The following CCDC158 variants were observed in gnomAD, a reference collection of about 807,000 sequenced individuals.
The protein encoded by CCDC158 is coiled-coil domain-containing protein 158.
Under a neutral mutation model 138.6 loss-of-function variants are expected in CCDC158, and 116 were observed. The ratio of observed to expected loss-of-function variants is 0.84; its 90% CI spans 0.72 to 0.98. The LOEUF (loss-of-function observed/expected upper bound fraction) is 0.98. Among genes scored for constraint, CCDC158 ranks in the 50% least tolerant of loss-of-function variants. The pLI, the probability that CCDC158 is intolerant of heterozygous loss-of-function variation, is 0.00. For missense variants in CCDC158, 1,265 were observed against 1,306.1 expected (o/e 0.97, Z 0.48); for synonymous variants, 436 against 442.4 (o/e 0.99, Z 0.18).
intron 18 of CCDC158, among the ~76,000 whole-genome samples, chr4:76,336,592 T>A (rs1578896455): frequency 1.3e-5 from 2 of 152,312 alleles, no homozygotes; most frequent in East Asian, 3.9e-4. Context: ...TAGCTTCAAA[T>A]CTTTTAAAGA....
intron 4 of CCDC158, among the ~76,000 whole-genome samples, chr4:76,387,103 G>A (rs1726868819): frequency 6.6e-6 from 1 of 152,148 alleles, no homozygotes; most frequent in Non-Finnish European, 1.5e-5. Context: ...GTGGCTAAGA[G>A]AGTGCTTGCA....
At chr4:76,366,753 ATTAAATTTTAAATTATTAAGTTAT>A (rs1348623081) in intron 12 of CCDC158, among the ~76,000 whole-genome samples, 1 of 152,136 alleles carries the variant, frequency 6.6e-6, no homozygotes, top group Non-Finnish European at 1.5e-5. Flanking sequence ...ACTAATATTT[ATTAAATTTTAAATTATTAAGTTAT>A]TTAAATTTTA....
At chr4:76,315,350 A>G (rs577932741) in intron 24 of CCDC158, among the ~76,000 whole-genome samples, 2 of 152,116 alleles carry the variant, frequency 1.3e-5, no homozygotes, top group Non-Finnish European at 2.9e-5. Flanking sequence ...TGATCACAAA[A>G]CACACAAACT....
At chr4:76,376,083 C>T (rs1362568894) in intron 9 of CCDC158, among the ~76,000 whole-genome samples, 1 of 150,914 alleles carries the variant, frequency 6.6e-6, no homozygotes, top group Non-Finnish European at 1.5e-5. Flanking sequence ...GAGACAGGGT[C>T]ACCCTCTATT....
chr4:76,350,984 C>T lies in CCDC158; in HGVS notation c.2664+12G>A. 6.2e-7 allele frequency: 1 copy of T among 1,610,916 alleles called. No individual in the cohort carries two copies. Reference sequence around the variant, plus strand: ...GTCATTTGCGTAATGGATCATAAGACTGGTTACTTACATGAGACAGGAAGC... The same window carrying T: ...GTCATTTGCGTAATGGATCATAAGATTGGTTACTTACATGAGACAGGAAGC... On this transcript the variant is annotated intron_variant, in intron 18 of 24. Coordinates refer to ENST00000682701, the MANE Select transcript of CCDC158 (RefSeq NM_001394954.1).
In CCDC158 at chr4:76,313,097, C is replaced by T; in HGVS notation, c.*73G>A. ...TTTTCACATAAAAAGAAAAAGTACA[C>T]AGGGCACTAATTACGAGTAACACCA... On this transcript the variant is annotated 3_prime_UTR_variant, in exon 25 of 25. Coordinates refer to ENST00000682701, the MANE Select transcript of CCDC158 (RefSeq NM_001394954.1). The T allele has an allele frequency of 2.3e-6, 2 of 862,046 alleles. No individual in the cohort carries two copies. Among genetic ancestry groups the T allele is most frequent in the Non-Finnish European group, 3.6e-6 (2 of 554,328 alleles). The allele number at this position is 862,046 out of a possible 1,614,324, so 53.4% of individuals were successfully genotyped here.
At chr4:76,408,344 A>G (rs1729008586) in intron 2 of CCDC158, among the ~76,000 whole-genome samples, 1 of 150,200 alleles carries the variant, frequency 6.7e-6, no homozygotes, top group South Asian at 2.1e-4. Flanking sequence ...CGCTCCCCCC[A>G]CCCCACAACA....
Position 76,325,852 on chromosome 4 carries a change from C to T in CCDC158, c.3169+5G>A, listed in dbSNP as rs1720472773. On this transcript the variant is annotated splice_donor_5th_base_variant and intron_variant, in intron 23 of 24. Transcript: ENST00000682701. ...ATCACGTCAATGATATCAGATCTTT[C>T]TTACCTTTAACAGAATCAGATGAAT... 3.7e-6 allele frequency: 6 copies of T among 1,604,026 alleles called. No individual in the cohort carries two copies. The highest frequency in any genetic ancestry group is 1.3e-5 in the African/African-American group (1 of 74,392).
At position 76,362,246 on chromosome 4, in the gene CCDC158, T is replaced by C. The variant is rs1724215770; in HGVS notation, c.1900A>G (p.Lys634Glu). 7.4e-6 allele frequency: 12 copies of C among 1,614,184 alleles called. No individual in the cohort carries two copies. Among genetic ancestry groups the C allele is most frequent in the Non-Finnish European group, 1.0e-5 (12 of 1,180,020 alleles). ...GAGCCTGCATTCACCAGCTTCACCT[T>C]TTCCAGCTCCAAGTCACTCACTCTG... ...EARVSDLELEKVKLVNAGSER... is the reference protein window; with the variant it reads ...EARVSDLELEEVKLVNAGSER... The change falls in exon 13 of 25, where the codon AAG becomes GAG. Residue 634 changes from lysine to glutamate, a missense_variant. By Grantham distance (56) the Lys-to-Glu change is moderately conservative (BLOSUM62 1). Transcript: ENST00000682701.
At chr4:76,344,935 CA>C (rs1401766032) in intron 18 of CCDC158, 1 of 1,524,838 alleles carries the variant, frequency 6.6e-7, no homozygotes, top group African/African-American at 1.4e-5. Context: ...GTGGCTTCTT[CA>C]AAAGTGTGGT....
rs1358389205 is a variant in CCDC158, at chr4:76,397,290, C to CA, written c.71-805dup. Among the ~76,000 whole-genome samples, 4 of 151,852 alleles carry CA rather than the reference C, an allele frequency of 2.6e-5. No homozygotes were observed. The East Asian group carries it at 7.7e-4, about 29-fold the overall frequency. On this transcript the variant is annotated intron_variant, in intron 3 of 24. Transcript: ENST00000682701. ...TATGGGGTATAGGGATAGGTGGAAACAGAGTGGTGCAGATAGGGATGGGAG... is the reference window on the plus strand; with the variant it reads ...TATGGGGTATAGGGATAGGTGGAAACAAGAGTGGTGCAGATAGGGATGGGAG...
At chr4:76,338,031 C>T (rs552481332) in intron 18 of CCDC158, among the ~76,000 whole-genome samples, 2 of 152,172 alleles carry the variant, frequency 1.3e-5, no homozygotes, top group African/African-American at 2.4e-5. Context: ...CTCACATTAC[C>T]GTCTGAGCTC....
chr4:76,329,429 G>T (rs775815334), intron 21 of CCDC158, among the ~76,000 whole-genome samples: 12 of 151,940 alleles, frequency 7.9e-5, no homozygotes, highest in Non-Finnish European at 1.8e-4. Context: ...CTAAAAATAA[G>T]AAAAATTAGC....
chr4:76,328,120 T>G (rs1560787882), intron 22 of CCDC158, among the ~76,000 whole-genome samples: 1 of 152,268 alleles, frequency 6.6e-6, no homozygotes, highest in African/African-American at 2.4e-5. Flanking sequence ...CAACAAATTG[T>G]GTTGACTTTC....
chr4:76,421,669 C>G (rs1329691927), upstream of CCDC158: 1 of 149,942 alleles, frequency 6.7e-6, no homozygotes, highest in Non-Finnish European at 1.5e-5. Flanking sequence ...CCCACCCGGC[C>G]CCACCTCACC....
chr4:76,336,007 C>A (rs1226822814), intron 18 of CCDC158, among the ~76,000 whole-genome samples: 13 of 151,334 alleles, frequency 8.6e-5, no homozygotes, highest in African/African-American at 3.1e-4. Context: ...TGGTGAAACC[C>A]CATCTCTACT....
At chr4:76,398,359 G>A (rs773311574) in intron 3 of CCDC158, among the ~76,000 whole-genome samples, 5 of 152,138 alleles carry the variant, frequency 3.3e-5, no homozygotes, top group African/African-American at 7.2e-5. Context: ...GTTCCCTGGT[G>A]TAGGCTGTAA....
chr4:76,316,285 A>C (rs960389773), intron 24 of CCDC158, among the ~76,000 whole-genome samples: 2 of 152,224 alleles, frequency 1.3e-5, no homozygotes, highest in African/African-American at 2.4e-5. Flanking sequence ...TCTGGAAATG[A>C]AAGACACACT....
intron 1 of CCDC158, among the ~76,000 whole-genome samples, chr4:76,417,590 G>A (rs1368870930): frequency 1.5e-5 from 2 of 134,842 alleles, no homozygotes; most frequent in Non-Finnish European, 3.6e-5. Context: ...CTGCCGCCAT[G>A]TAAGAAGTGC....
Sources: gnomAD v4.1 joint callset for allele counts (sites outside exome capture counted in the v4.1 genomes callset) on GRCh38, gnomAD v4.1.1 for gene constraint, MANE v1.5 for transcripts, NCBI Gene and HGNC (gene_info 2026-07-23, HGNC 2026-07-21) for gene names.